The following STXBP6 variants were observed in gnomAD, a reference collection of about 807,000 sequenced individuals.
The protein encoded by STXBP6 is syntaxin binding protein 6.
Under a neutral mutation model 26.9 loss-of-function variants are expected in STXBP6, and 21 were observed. That is an observed-to-expected ratio of 0.78 (90% confidence interval 0.55 to 1.12). STXBP6 has a LOEUF of 1.12. STXBP6 is among the 50% of genes most tolerant of loss of function. The pLI, the probability that STXBP6 is intolerant of heterozygous loss-of-function variation, is 0.00. For missense variants in STXBP6, 232 were observed against 257.9 expected (o/e 0.90, Z 0.69); for synonymous variants, 97 against 92.6 (o/e 1.05, Z -0.27).
chr14:24,889,624 A>G (rs2070721575), intron 2 of STXBP6, among the ~76,000 whole-genome samples: 1 of 152,064 alleles, frequency 6.6e-6, no homozygotes, highest in Non-Finnish European at 1.5e-5. Flanking sequence ...GTGTACTTAC[A>G]TATTATATGT....
At chr14:24,838,259 A>T (rs527695837) in intron 4 of STXBP6, among the ~76,000 whole-genome samples, 194 of 152,068 alleles carry the variant, frequency 1.3e-3, no homozygotes, top group Non-Finnish European at 1.9e-3. Context: ...AATCTACCCA[A>T]CTCGGCCTCC....
At chr14:24,945,412 TA>T (rs1369564546) in intron 2 of STXBP6, among the ~76,000 whole-genome samples, 1 of 151,652 alleles carries the variant, frequency 6.6e-6, no homozygotes, top group Non-Finnish European at 1.5e-5. Flanking sequence ...AAAAAATAAA[TA>T]AATAAAATTA....
rs192165616 is a variant in STXBP6 at position 24,982,997 on chromosome 14, T to C, written c.-32-8147A>G. 8.5e-5 allele frequency among the ~76,000 whole-genome samples: 13 copies of C among 152,330 alleles called. No individual in the cohort carries two copies. The East Asian group carries it at 2.1e-3, about 25-fold the overall frequency. On this transcript the variant is annotated intron_variant, in intron 1 of 5. Coordinates refer to ENST00000323944, the MANE Select transcript of STXBP6 (RefSeq NM_001394410.1). ...CATCACTCATTCCAAGGGATTCTAT[T>C]AATAGGAACTCCACATTCACAAGTT...
chr14:24,989,263 C>T (rs1054293718), intron 1 of STXBP6, among the ~76,000 whole-genome samples: 1 of 152,174 alleles, frequency 6.6e-6, no homozygotes, highest in Non-Finnish European at 1.5e-5. Context: ...TCATTACTGT[C>T]TGGTTACTGA....
At chr14:25,021,540 A>G (rs1314085795) in intron 1 of STXBP6, among the ~76,000 whole-genome samples, 1 of 152,130 alleles carries the variant, frequency 6.6e-6, no homozygotes, top group Non-Finnish European at 1.5e-5. Flanking sequence ...GCTTGGCCCC[A>G]TCACTCACTA....
intron 1 of STXBP6, chr14:25,010,412 TAA>T (rs938431544): frequency 7.9e-5 from 12 of 152,258 alleles, no homozygotes; most frequent in African/African-American, 2.9e-4. Flanking sequence ...ACCTGAATTT[TAA>T]ATCTGAATTC....
At position 25,010,469 on chromosome 14, in the gene STXBP6, C is replaced by T. The variant is rs550326470; in HGVS notation, c.-32-35619G>A. On this transcript the variant is annotated intron_variant, in intron 1 of 5. Coordinates refer to ENST00000323944, the MANE Select transcript of STXBP6 (RefSeq NM_001394410.1). ...TATACTTAAATAAATAAATAAGTGG[C>T]ATAAATTAACAAATGTTTTGTATTT... 74 of 152,302 alleles carry T rather than the reference C, an allele frequency of 4.9e-4. 1 individual carries two copies. The South Asian group carries it at 0.015, about 30-fold the overall frequency. 9.4% of individuals were successfully genotyped at this position (152,302 alleles called of 1,614,324 possible).
At chr14:24,921,727 CA>C (rs1319004180) in intron 2 of STXBP6, among the ~76,000 whole-genome samples, 1 of 152,254 alleles carries the variant, frequency 6.6e-6, no homozygotes, top group Admixed American at 6.5e-5. Context: ...CGGCAAATTA[CA>C]GTCATTTCTC....
At chr14:24,831,504 A>AG (rs1454571543) in intron 4 of STXBP6, among the ~76,000 whole-genome samples, 1 of 152,210 alleles carries the variant, frequency 6.6e-6, no homozygotes, top group Non-Finnish European at 1.5e-5. Context: ...CTTGCCAAGG[A>AG]GAAAAAGCTC....
At chr14:24,818,881 A>T (rs1003905664) in intron 5 of STXBP6, among the ~76,000 whole-genome samples, 156 bp downstream of exon 5, 1 of 152,110 alleles carries the variant, frequency 6.6e-6, no homozygotes, top group Middle Eastern at 3.2e-3. Context: ...ATTTTCCACG[A>T]CTCAGGTGTT....
At position 24,896,987 on chromosome 14, in the gene STXBP6, C is replaced by T. The variant is rs555497033; in HGVS notation, c.155-39830G>A. ...GACATAAGACTAAAGGCCTTACACA[C>T]CAGTTGGGTTCTGCTAGTGTCTCTT... On this transcript the variant is annotated intron_variant, in intron 2 of 5. Transcript: ENST00000323944. Among the ~76,000 whole-genome samples, 7 of 152,196 alleles carry T rather than the reference C, an allele frequency of 4.6e-5. No homozygotes were observed. In the East Asian group the frequency reaches 1.2e-3, roughly 25 times the overall value.
chr14:24,829,467 A>G (rs570183720), intron 4 of STXBP6, among the ~76,000 whole-genome samples: 1 of 152,334 alleles, frequency 6.6e-6, no homozygotes, highest in South Asian at 2.1e-4. Flanking sequence ...AAGTGCAAAT[A>G]AAAGTGTTTC....
chr14:24,838,507 A>C (rs1358903179), intron 4 of STXBP6, among the ~76,000 whole-genome samples: 2 of 151,960 alleles, frequency 1.3e-5, no homozygotes, highest in Non-Finnish European at 2.9e-5. Flanking sequence ...AATACGGTGA[A>C]ACCCCATCTC....
chr14:24,822,445 T>C (rs1445687288), intron 4 of STXBP6, among the ~76,000 whole-genome samples: 1 of 152,222 alleles, frequency 6.6e-6, no homozygotes, highest in Non-Finnish European at 1.5e-5. Flanking sequence ...TTGGTGTATG[T>C]TGAAAATTGC....
intron 4 of STXBP6, among the ~76,000 whole-genome samples, chr14:24,851,951 A>G (rs1411900383): frequency 1.3e-5 from 2 of 152,130 alleles, no homozygotes; most frequent in Non-Finnish European, 2.9e-5. Context: ...ACCCCCAAAA[A>G]CACTTTAAGC....
chr14:24,964,672 T>G (rs1422468497), intron 2 of STXBP6, among the ~76,000 whole-genome samples: 1 of 151,706 alleles, frequency 6.6e-6, no homozygotes, highest in Non-Finnish European at 1.5e-5. Flanking sequence ...TGTGTGTGTG[T>G]GTGTGTGTGT....
chr14:24,944,183 G>A (rs2072900272), intron 2 of STXBP6, among the ~76,000 whole-genome samples: 1 of 152,114 alleles, frequency 6.6e-6, no homozygotes. Context: ...CACATTCAAA[G>A]ACGGAGAAAC....
At chr14:24,861,234 C>T (rs1363935510) in intron 2 of STXBP6, among the ~76,000 whole-genome samples, 1 of 152,104 alleles carries the variant, frequency 6.6e-6, no homozygotes, top group Non-Finnish European at 1.5e-5. Context: ...CAGCTCTCTG[C>T]TCTGCTGGAG....
At position 25,041,922 on chromosome 14, in the gene STXBP6, T is replaced by C. The variant is rs187583921; in HGVS notation, c.-33+7956A>G. Among the ~76,000 whole-genome samples the C allele has an allele frequency of 1.4e-3, 209 of 151,980 alleles. 1 individual carries two copies. Among genetic ancestry groups the C allele is most frequent in the African/African-American group, 3.7e-3 (155 of 41,418 alleles). On this transcript the variant is annotated intron_variant, in intron 1 of 5. Coordinates refer to ENST00000323944, the MANE Select transcript of STXBP6 (RefSeq NM_001394410.1). The stretch of plus-strand genomic sequence containing the variant: ...CCCAACCTGACAATCCATGCAAGAG[T>C]CAAACAAGAAGGTAGAACAGGGTCT...
Sources: gnomAD v4.1 joint callset for allele counts (sites outside exome capture counted in the v4.1 genomes callset) on GRCh38, gnomAD v4.1.1 for gene constraint, MANE v1.5 for transcripts, NCBI Gene and HGNC (gene_info 2026-07-23, HGNC 2026-07-21) for gene names.